The following SS18L1 variants were observed in gnomAD, a reference collection of about 807,000 sequenced individuals.
SS18L1 encodes SS18L1 subunit of BAF chromatin remodeling complex, also known as calcium-responsive transactivator.
In SS18L1, 32 loss-of-function variants were observed where a neutral mutation model predicts 70.3. The ratio of observed to expected loss-of-function variants is 0.46; its 90% CI spans 0.34 to 0.61. SS18L1 has a LOEUF of 0.61. Ranked by LOEUF, SS18L1 falls within the 20% of genes least tolerant of loss-of-function variation. SS18L1 has a pLI of 0.01. For synonymous variants in SS18L1, 237 were observed against 229.7 expected, an observed-to-expected ratio of 1.03 and a Z score of -0.29; for missense variants, 430 against 542.1, an observed-to-expected ratio of 0.79 and a Z score of 2.05.
In SS18L1 at chr20:62,181,286, A is replaced by G. The variant is rs2057703966; in HGVS notation, c.*2078A>G. 1 of 209,370 alleles carries G rather than the reference A, an allele frequency of 4.8e-6. No homozygotes were observed. The highest frequency in any genetic ancestry group is 5.9e-5 in the Admixed American group (1 of 16,920). The allele number at this position is 209,370 out of a possible 1,614,324, so 13.0% of individuals were successfully genotyped here. The stretch of plus-strand genomic sequence containing the variant: ...GAGAGTTCTTAATTGCTAATTGACA[A>G]ACGCGTTAGCAATTTCAGTTAGGGA... On this transcript the variant is annotated 3_prime_UTR_variant, in exon 11 of 11. Coordinates refer to ENST00000331758, the MANE Select transcript of SS18L1 (RefSeq NM_198935.3).
intron 1 of SS18L1, among the ~76,000 whole-genome samples, chr20:62,150,860 A>G (rs899944679): frequency 6.6e-6 from 1 of 151,972 alleles, no homozygotes; most frequent in Non-Finnish European, 1.5e-5. Context: ...AGGTGTGTGC[A>G]GAGTCGGGAG....
In SS18L1 at chr20:62,149,229, G is replaced by T. The variant is rs575358758; in HGVS notation, c.69+5340G>T. On this transcript the variant is annotated intron_variant, in intron 1 of 10. Transcript: ENST00000331758. Reference sequence around the variant, plus strand: ...GTTAGCGGGCTGGCGCTGATGGACCGTAAGGCCTGTGGGGCCTGGGAGGCC... The same window carrying T: ...GTTAGCGGGCTGGCGCTGATGGACCTTAAGGCCTGTGGGGCCTGGGAGGCC... 2.6e-5 allele frequency among the ~76,000 whole-genome samples: 4 copies of T among 152,380 alleles called. No individual in the cohort carries two copies. The South Asian group carries it at 8.3e-4, about 32-fold the overall frequency.
At chr20:62,143,920 G>C in intron 1 of SS18L1, 31 bp downstream of exon 1, 9 of 1,027,172 alleles carry the variant, frequency 8.8e-6, no homozygotes, top group African/African-American at 1.7e-5. Flanking sequence ...GGCGCTGGGC[G>C]GCGGGTCTGC....
chr20:62,170,570 C>T lies in SS18L1; in HGVS notation c.917-2112C>T, dbSNP rs564943689. On this transcript the variant is annotated intron_variant, in intron 8 of 10. Transcript: ENST00000331758. The stretch of plus-strand genomic sequence containing the variant: ...GGAGGAAGGCCCCACATCTGCCCGC[C>T]CCGTTGCTGTCCTGTTGAGAGCACG... 6.0e-4 allele frequency among the ~76,000 whole-genome samples: 92 copies of T among 152,352 alleles called. 3 individuals are homozygous for T. The South Asian group carries it at 0.016, about 26-fold the overall frequency.
At chr20:62,151,878 T>C (rs544682772) in intron 1 of SS18L1, among the ~76,000 whole-genome samples, 1,269 of 55,142 alleles carry the variant, frequency 0.023, 5 homozygotes, top group South Asian at 0.028. Context: ...GAGCTGGCCT[T>C]CCCCGTTCCC....
intron 6 of SS18L1, among the ~76,000 whole-genome samples, chr20:62,163,882 G>C (rs551904115): frequency 5.3e-5 from 8 of 152,102 alleles, no homozygotes; most frequent in Admixed American, 3.9e-4. Flanking sequence ...GTCACAGGCC[G>C]GGCTCATGCC....
At position 62,159,522 on chromosome 20, in the gene SS18L1, T is replaced by G. The variant is rs2057286393; in HGVS notation, c.147-355T>G. Reference sequence around the variant, plus strand: ...CTGCCTGGCTCAGCTGGACGAGGGCTCTGTCCCTCTGTCACCTTCGGGCCC... The same window carrying G: ...CTGCCTGGCTCAGCTGGACGAGGGCGCTGTCCCTCTGTCACCTTCGGGCCC... On this transcript the variant is annotated intron_variant, in intron 2 of 10. Transcript: ENST00000331758. This position sits in a 1 kb window ranked among gnomAD's most constrained non-coding sequence, Gnocchi z 4.4. 6.6e-6 allele frequency among the ~76,000 whole-genome samples: 1 copy of G among 152,172 alleles called. No individual in the cohort carries two copies.
At position 62,162,220 on chromosome 20, in the gene SS18L1, C is replaced by T. The variant is rs117676568; in HGVS notation, c.377-532C>T. ...TGCAGCCTGGGTGACAGAGCCAGAC[C>T]CTGTCTCAGAAAATAATAACAAAAT... is the stretch of plus-strand genomic sequence containing the variant. On this transcript the variant is annotated intron_variant, in intron 4 of 10. Coordinates refer to ENST00000331758, the MANE Select transcript of SS18L1 (RefSeq NM_198935.3). Among the ~76,000 whole-genome samples, 826 of 152,294 alleles carry T rather than the reference C, an allele frequency of 5.4e-3. 3 individuals are homozygous for T. The highest frequency in any genetic ancestry group is 8.7e-3 in the Non-Finnish European group (595 of 68,016).
chr20:62,172,309 AG>A (rs1436476986), intron 8 of SS18L1, among the ~76,000 whole-genome samples: 2 of 151,070 alleles, frequency 1.3e-5, no homozygotes, highest in African/African-American at 4.9e-5. Context: ...CCTGGGTCCC[AG>A]AGCGAGGCCC....
At chr20:62,154,313 C>G (rs1053517810) in intron 1 of SS18L1, 2 of 1,043,392 alleles carry the variant, frequency 1.9e-6, no homozygotes, top group African/African-American at 3.3e-5. Context: ...CATCGAGTGC[C>G]CTTGGTTTGG....
intron 9 of SS18L1, among the ~76,000 whole-genome samples, chr20:62,173,896 C>T (rs540310952): frequency 2.0e-5 from 3 of 152,060 alleles, no homozygotes; most frequent in African/African-American, 7.2e-5. Context: ...CTCCTGTGGT[C>T]CCAGCTACTT....
rs1283347629 is a variant in SS18L1, at chr20:62,182,247, T to A, written c.*3039T>A. 4.6e-6 allele frequency: 1 copy of A among 218,080 alleles called. No individual in the cohort carries two copies. Among genetic ancestry groups the A allele is most frequent in the Non-Finnish European group, 9.2e-6 (1 of 108,688 alleles). The allele number at this position is 218,080 out of a possible 1,614,324, so 13.5% of individuals were successfully genotyped here. ...GTCAGGGTTTTTCTACGTGTAGGCG[T>A]GAATAGGGGGCACCCCTTCAAAACT... is the stretch of plus-strand genomic sequence containing the variant. On this transcript the variant is annotated 3_prime_UTR_variant, in exon 11 of 11. Coordinates refer to ENST00000331758, the MANE Select transcript of SS18L1 (RefSeq NM_198935.3).
intron 9 of SS18L1, among the ~76,000 whole-genome samples, chr20:62,173,356 C>T (rs185131074): frequency 2.6e-4 from 39 of 152,322 alleles, no homozygotes; most frequent in Non-Finnish European, 4.6e-4. Context: ...TTATGAGGCA[C>T]GTGCCTGATT....
At chr20:62,163,382 G>A (rs1302770212) in intron 5 of SS18L1, 76 bp from the exon 6 acceptor site, 9 of 1,589,034 alleles carry the variant, frequency 5.7e-6, no homozygotes, top group African/African-American at 2.7e-5. Flanking sequence ...CCGCCCGGGC[G>A]CAGGAGGTAG....
chr20:62,144,292 T>C (rs2281738), intron 1 of SS18L1, among the ~76,000 whole-genome samples: 106,240 of 152,026 alleles, frequency 0.7, 38,862 homozygotes, highest in Non-Finnish European at 0.81. Flanking sequence ...GGCGAGGGCT[T>C]GTCGCGCTCC....
intron 8 of SS18L1, among the ~76,000 whole-genome samples, chr20:62,170,497 C>T (rs183713655): frequency 1.3e-5 from 2 of 152,350 alleles, no homozygotes; most frequent in Admixed American, 1.3e-4. Context: ...CAGAGCGAGA[C>T]TCCATCTCGA....
At chr20:62,166,934 TAAAAAGAAATAAA>T (rs1316954194) in intron 8 of SS18L1, among the ~76,000 whole-genome samples, 12 of 141,388 alleles carry the variant, frequency 8.5e-5, no homozygotes, top group Non-Finnish European at 1.4e-4. Flanking sequence ...TCAAAAAAAA[TAAAAAGAAATAAA>T]AAAAAGAAAT....
At chr20:62,147,620 C>G (rs2057054966) in intron 1 of SS18L1, among the ~76,000 whole-genome samples, 1 of 152,060 alleles carries the variant, frequency 6.6e-6, no homozygotes, top group Non-Finnish European at 1.5e-5. Context: ...TGCCTGTCTG[C>G]TGGGTGTCTG....
intron 1 of SS18L1, among the ~76,000 whole-genome samples, chr20:62,156,097 T>C (rs1170276990): frequency 1.3e-5 from 2 of 152,178 alleles, no homozygotes; most frequent in Admixed American, 6.5e-5. Context: ...GGCACTGCCC[T>C]GGCCAGTGCA....
Sources: gnomAD v4.1 joint callset for allele counts (sites outside exome capture counted in the v4.1 genomes callset) on GRCh38, gnomAD v4.1.1 for gene constraint, Gnocchi (gnomAD v3.1) non-coding constraint, MANE v1.5 for transcripts, NCBI Gene and HGNC (gene_info 2026-07-23, HGNC 2026-07-21) for gene names.